The following EIF4G3 variants were observed in gnomAD, a reference collection of about 807,000 sequenced individuals.
The protein encoded by EIF4G3 is eukaryotic translation initiation factor 4 gamma 3.
A neutral mutation model predicts 186.4 loss-of-function variants in EIF4G3; 34 were observed. That is an observed-to-expected ratio of 0.18 (90% CI 0.14 to 0.24). The LOEUF (loss-of-function observed/expected upper bound fraction) is 0.24. Ranked by LOEUF, EIF4G3 falls within the 10% of genes least tolerant of loss-of-function variation. The pLI, the probability that EIF4G3 is intolerant of heterozygous loss-of-function variation, is 1.00. For missense variants in EIF4G3, 1,536 were observed against 1,948.5 expected (o/e 0.79, Z 3.99); for synonymous variants, 673 against 679.5 (o/e 0.99, Z 0.15).
intron 4 of EIF4G3, among the ~76,000 whole-genome samples, chr1:21,011,612 T>C (rs1265602696): frequency 6.6e-6 from 1 of 152,184 alleles, no homozygotes; most frequent in East Asian, 1.9e-4. Context: ...TACAAAATAT[T>C]CCTTGACAAG....
In EIF4G3 at chr1:20,810,552, T is replaced by G. The variant is rs1050988881; in HGVS notation, c.4744+186A>C. ...ATCTGCCTGCCGTGGCCTCCCAAAG[T>G]GCTGGGATTATAGGCGCAAGCCACT... is the stretch of plus-strand genomic sequence containing the variant. On this transcript the variant is annotated intron_variant, in intron 36 of 36. Coordinates refer to ENST00000602326, the MANE Select transcript of EIF4G3 (RefSeq NM_001391906.1). This position sits in a 1 kb window ranked among gnomAD's most constrained non-coding sequence, Gnocchi z 4.1. Among the ~76,000 whole-genome samples, 104 of 152,358 alleles carry G rather than the reference T, an allele frequency of 6.8e-4. No homozygotes were observed. Among genetic ancestry groups the G allele is most frequent in the African/African-American group, 2.3e-3 (95 of 41,586 alleles).
At chr1:21,112,821 A>G (rs1358306618) in intron 2 of EIF4G3, among the ~76,000 whole-genome samples, 1 of 152,184 alleles carries the variant, frequency 6.6e-6, no homozygotes, top group Non-Finnish European at 1.5e-5. Context: ...GGCATACTCA[A>G]AGTGACTTTC....
At chr1:21,096,081 AAAGT>A (rs1187665759) in intron 2 of EIF4G3, among the ~76,000 whole-genome samples, 6 of 152,208 alleles carry the variant, frequency 3.9e-5, no homozygotes, top group Admixed American at 3.3e-4. Flanking sequence ...AGAAGGCAAC[AAAGT>A]AAGCCTCTCT....
At chr1:20,969,924 A>AAGTATTCAT (rs1298790961) in intron 11 of EIF4G3, among the ~76,000 whole-genome samples, 71 of 152,344 alleles carry the variant, frequency 4.7e-4, no homozygotes, top group Non-Finnish European at 1.0e-3. Context: ...AGTTTCATAA[A>AAGTATTCAT]ATACTTTTAA....
intron 4 of EIF4G3, among the ~76,000 whole-genome samples, chr1:21,049,400 A>G (rs1389001347): frequency 6.6e-6 from 1 of 152,120 alleles, no homozygotes; most frequent in Non-Finnish European, 1.5e-5. Context: ...TCAGATTAAT[A>G]CACCTTAATA....
At chr1:21,014,992 TG>T in intron 4 of EIF4G3, among the ~76,000 whole-genome samples, 2 of 147,168 alleles carry the variant, frequency 1.4e-5, no homozygotes, top group African/African-American at 2.5e-5. Context: ...AGAAAGGTGG[TG>T]GGGGGGAGGA....
intron 32 of EIF4G3, among the ~76,000 whole-genome samples, chr1:20,826,801 T>C (rs897333550): frequency 2.6e-5 from 4 of 152,092 alleles, no homozygotes; most frequent in African/African-American, 9.7e-5. Context: ...ATGTGAGTTT[T>C]AAATAAGGAC....
chr1:20,819,621 G>A (rs2061828435), intron 33 of EIF4G3, among the ~76,000 whole-genome samples: 1 of 152,082 alleles, frequency 6.6e-6, no homozygotes. Flanking sequence ...ACTTATAGGT[G>A]GGAGCTAAAT....
intron 14 of EIF4G3, among the ~76,000 whole-genome samples, chr1:20,911,235 C>A (rs766865752): frequency 6.6e-6 from 1 of 151,780 alleles, no homozygotes; most frequent in Non-Finnish European, 1.5e-5. Flanking sequence ...CCCGAAAAAA[C>A]GAAAAACCAA....
chr1:21,025,223 G>A (rs956439111), intron 4 of EIF4G3, among the ~76,000 whole-genome samples: 4 of 152,180 alleles, frequency 2.6e-5, no homozygotes, highest in Non-Finnish European at 5.9e-5. Context: ...GATTAGATTA[G>A]GGCCAGACTA....
At chr1:21,072,139 G>A (rs1363975131) in intron 3 of EIF4G3, among the ~76,000 whole-genome samples, 1 of 152,130 alleles carries the variant, frequency 6.6e-6, no homozygotes, top group Non-Finnish European at 1.5e-5. Flanking sequence ...TGTACATCTA[G>A]TAGTTTATTA....
intron 2 of EIF4G3, among the ~76,000 whole-genome samples, chr1:21,109,402 T>C (rs898142572): frequency 6.6e-6 from 1 of 152,166 alleles, no homozygotes; most frequent in Non-Finnish European, 1.5e-5. Context: ...CCTAACACTT[T>C]GGGAGGCTGA....
chr1:21,144,422 CTT>C (rs79741128), intron 2 of EIF4G3, among the ~76,000 whole-genome samples: 2 of 141,654 alleles, frequency 1.4e-5, no homozygotes. Context: ...GCACACCCAT[CTT>C]TTTTTTTTTT....
intron 33 of EIF4G3, among the ~76,000 whole-genome samples, 165 bp from the exon 34 acceptor site, chr1:20,817,703 T>G (rs2061418017): frequency 1.0e-5 from 1 of 98,900 alleles, no homozygotes; most frequent in African/African-American, 3.7e-5. Flanking sequence ...TTTTTTTTTT[T>G]GAGACAGGGT....
chr1:20,989,544 C>A (rs1570486162), intron 7 of EIF4G3, among the ~76,000 whole-genome samples: 1 of 71,150 alleles, frequency 1.4e-5, no homozygotes, highest in Admixed American at 2.2e-4. Flanking sequence ...ATAACAAGAG[C>A]AAAACTCCAA....
At chr1:21,094,040 G>A (rs896169697) in intron 2 of EIF4G3, among the ~76,000 whole-genome samples, 12 of 151,588 alleles carry the variant, frequency 7.9e-5, no homozygotes, top group Non-Finnish European at 1.0e-4. Context: ...CCAACATGGC[G>A]CATGTACACA....
At chr1:20,928,978 CAT>C (rs1216872395) in intron 14 of EIF4G3, among the ~76,000 whole-genome samples, 1 of 152,180 alleles carries the variant, frequency 6.6e-6, no homozygotes, top group African/African-American at 2.4e-5. Context: ...CAAATGGAAT[CAT>C]ATAAAATGTG....
At chr1:21,000,221 A>G (rs1262255875) in intron 6 of EIF4G3, among the ~76,000 whole-genome samples, 1 of 152,110 alleles carries the variant, frequency 6.6e-6, no homozygotes, top group African/African-American at 2.4e-5. Context: ...TTTTTAAAAA[A>G]GATTTTCTTT....
chr1:21,055,975 GGTTT>G (rs2094544668), intron 3 of EIF4G3, among the ~76,000 whole-genome samples: 2 of 152,014 alleles, frequency 1.3e-5, no homozygotes, highest in East Asian at 3.9e-4. Flanking sequence ...AGTATCCATT[GGTTT>G]GTCAGAAAAC....
Sources: allele counts gnomAD v4.1 joint callset (sites outside exome capture counted in the v4.1 genomes callset), GRCh38; gene constraint gnomAD v4.1.1; non-coding constraint Gnocchi (gnomAD v3.1); transcripts MANE v1.5; gene names NCBI Gene and HGNC (gene_info 2026-07-23, HGNC 2026-07-21).